The following METTL4 variants were observed in gnomAD, a reference collection of about 807,000 sequenced individuals.
METTL4 encodes the protein methyltransferase 4, N6-adenosine, also known as N(6)-adenine-specific methyltransferase METTL4.
In METTL4, 40 loss-of-function variants were observed where a neutral mutation model predicts 54.0. The ratio of observed to expected loss-of-function variants is 0.74; its 90% CI spans 0.58 to 0.96. The LOEUF (loss-of-function observed/expected upper bound fraction) is 0.96, where lower values mean the gene tolerates loss of function less well. Among genes scored for constraint, METTL4 ranks in the 50% least tolerant of loss-of-function variants. The pLI is 0.00. For synonymous variants in METTL4, 169 were observed against 183.8 expected (o/e 0.92, Z 0.65); for missense variants, 525 against 549.0 (o/e 0.96, Z 0.44).
At chr18:2,556,726 G>C (rs1005890428) in intron 3 of METTL4, among the ~76,000 whole-genome samples, 1 of 151,978 alleles carries the variant, frequency 6.6e-6, no homozygotes, top group East Asian at 1.9e-4. Flanking sequence ...AAGTGACATA[G>C]AGACATAAAA....
chr18:2,565,161 C>G (rs2072385587), intron 2 of METTL4, among the ~76,000 whole-genome samples: 1 of 152,042 alleles, frequency 6.6e-6, no homozygotes, highest in African/African-American at 2.4e-5. Flanking sequence ...CACACATAAT[C>G]CCAGCTACTC....
chr18:2,547,484 A>C lies in METTL4; in HGVS notation c.945T>G (p.Pro315=). Residue 315 remains proline, a synonymous_variant, in exon 6 of 9, where the codon CCT becomes CCG. Coordinates refer to ENST00000574538, the MANE Select transcript of METTL4 (RefSeq NM_022840.5). ...SPLQIQQIPI[P]KLAAPNCLLV... The stretch of plus-strand genomic sequence containing the variant: ...GAAGACAGTTTGGAGCAGCCAATTT[A>C]GGGATAGGTATTTGCTGTATTTGCA... 6.2e-7 allele frequency: 1 copy of C among 1,610,364 alleles called. No individual in the cohort carries two copies. The highest frequency in any genetic ancestry group is 1.1e-5 in the South Asian group (1 of 90,508).
Position 2,538,960 on chromosome 18 carries a change from G to A in METTL4, c.*40C>T, listed in dbSNP as rs1158574795. 6.3e-7 allele frequency: 1 copy of A among 1,587,170 alleles called. No individual in the cohort carries two copies. Among genetic ancestry groups the A allele is most frequent in the East Asian group, 2.2e-5 (1 of 44,628 alleles). On this transcript the variant is annotated 3_prime_UTR_variant, in exon 9 of 9. Coordinates refer to ENST00000574538, the MANE Select transcript of METTL4 (RefSeq NM_022840.5). Reference sequence around the variant, plus strand: ...CTTAGAATTAAGGGAAAAGTGGTGAGGAAACAATGAAGAAACCACTACTTT... The same window carrying A: ...CTTAGAATTAAGGGAAAAGTGGTGAAGAAACAATGAAGAAACCACTACTTT...
chr18:2,542,310 C>T (rs2072003624), intron 8 of METTL4, among the ~76,000 whole-genome samples: 1 of 151,428 alleles, frequency 6.6e-6, no homozygotes, highest in South Asian at 2.1e-4. Flanking sequence ...CACCCACTAA[C>T]TCGTCGTCTA....
intron 6 of METTL4, among the ~76,000 whole-genome samples, chr18:2,546,425 G>A (rs1179225253): frequency 6.6e-6 from 1 of 151,738 alleles, no homozygotes; most frequent in East Asian, 1.9e-4. Context: ...TTATATATGG[G>A]GTTCAGTACC....
intron 5 of METTL4, among the ~76,000 whole-genome samples, chr18:2,549,069 G>A (rs951353765): frequency 6.6e-6 from 1 of 152,122 alleles, no homozygotes; most frequent in Non-Finnish European, 1.5e-5. Context: ...CTCTTAGCAG[G>A]TAAAGTTAAC....
chr18:2,538,898 T>G lies in METTL4; in HGVS notation c.*102A>C. On this transcript the variant is annotated 3_prime_UTR_variant, in exon 9 of 9. Coordinates refer to ENST00000574538, the MANE Select transcript of METTL4 (RefSeq NM_022840.5). ...TGAAAAAAACAAGTCCTGTTTATAT[T>G]CTAAGAATATGGGTTGGTAACAAAA... 7.6e-7 allele frequency: 1 copy of G among 1,314,694 alleles called. No individual in the cohort carries two copies. Among genetic ancestry groups the G allele is most frequent in the Non-Finnish European group, 1.0e-6 (1 of 953,510 alleles). 81.4% of individuals were successfully genotyped at this position (1,314,694 alleles called of 1,614,324 possible). A position where few individuals can be genotyped will look rare whatever the true frequency, so the allele number is the denominator to read the frequency against.
intron 3 of METTL4, among the ~76,000 whole-genome samples, chr18:2,556,743 C>A (rs546473735): frequency 5.9e-5 from 9 of 151,608 alleles, no homozygotes; most frequent in Non-Finnish European, 1.0e-4. Context: ...AAAAAAAGGA[C>A]CAAATGTGTC....
intron 5 of METTL4, 76 bp downstream of exon 5, chr18:2,552,619 G>A: frequency 1.1e-6 from 1 of 908,688 alleles, no homozygotes; most frequent in Non-Finnish European, 1.7e-6. Context: ...ATAAAGTAAT[G>A]TCAATAGTAT....
intron 8 of METTL4, 105 bp downstream of exon 8, chr18:2,544,090 T>G (rs1277569502): frequency 1.3e-6 from 1 of 752,504 alleles, no homozygotes; most frequent in African/African-American, 1.8e-5. Context: ...ATTAACAACC[T>G]ACGTCTGACT....
In METTL4 at chr18:2,554,749, A is replaced by G. The variant is rs1376721298; in HGVS notation, c.749T>C (p.Leu250Ser). Residue 250 changes from leucine (L) to serine (S), a missense_variant, in exon 4 of 9, where the codon TTA becomes TCA. By Grantham distance (145) the Leu-to-Ser change is moderately radical (BLOSUM62 -2). Transcript: ENST00000574538. ...TGGTAGCAGGTATTTCTGTCCCATT[A>G]AAGTAATCACTTTTGTAAAGCTAGA... Reference protein sequence around the residue: ...NNSSFTKVITLMGQKYLLPPK... With the variant: ...NNSSFTKVITSMGQKYLLPPK... 6.2e-7 allele frequency: 1 copy of G among 1,613,348 alleles called. No individual in the cohort carries two copies. Among genetic ancestry groups the G allele is most frequent in the Non-Finnish European group, 8.5e-7 (1 of 1,179,686 alleles).
chr18:2,552,074 T>G (rs2072169882), intron 5 of METTL4, among the ~76,000 whole-genome samples: 1 of 152,186 alleles, frequency 6.6e-6, no homozygotes, highest in East Asian at 1.9e-4. Context: ...GCGCCTGTAC[T>G]CCCAGCTACT....
At chr18:2,558,525 T>C (rs12608184) in intron 3 of METTL4, among the ~76,000 whole-genome samples, 2,885 of 151,948 alleles carry the variant, frequency 0.019, 93 homozygotes, top group East Asian at 0.13. Flanking sequence ...GAAAAAAAGA[T>C]GTAAGTTAAC....
chr18:2,552,702 T>C lies in METTL4; in HGVS notation c.892A>G (p.Ser298Gly), dbSNP rs766070479. 62 of 1,609,484 alleles carry C rather than the reference T, an allele frequency of 3.9e-5. No homozygotes were observed. In the South Asian group the frequency reaches 6.8e-4, roughly 18 times the overall value. The change falls in exon 5 of 9, where the codon AGT becomes GGT. Residue 298 changes from serine to glycine, a missense_variant. Transcript: ENST00000574538. ...PPWQNKSVKR[S>G]NRYSYLSPLQ... ...GCTTTCATTTCCACTTACCTATTAC[T>C]TCTTTTAACTGATTTGTTCTGCCAT...
Position 2,547,513 on chromosome 18 carries a change from G to A in METTL4, c.916C>T (p.Pro306Ser), listed in dbSNP as rs754816625. Residue 306 changes from proline (P) to serine (S), a missense_variant, in exon 6 of 9, where the codon CCC (proline) becomes TCC (serine). By Grantham distance (74) the Pro-to-Ser change is moderately conservative. Coordinates refer to ENST00000574538, the MANE Select transcript of METTL4 (RefSeq NM_022840.5). ...ATAGGTATTTGCTGTATTTGCAGGG[G>A]TGACAAATAACTGTACCTAAAAATA... ...KRSNRYSYLS[P>S]LQIQQIPIPK... 30 of 1,583,196 alleles carry A rather than the reference G, an allele frequency of 1.9e-5. No individual in the cohort carries two copies. In the South Asian group the frequency reaches 3.4e-4, roughly 18 times the overall value.
intron 8 of METTL4, among the ~76,000 whole-genome samples, chr18:2,539,349 A>G (rs1010633435): frequency 2.6e-5 from 4 of 152,168 alleles, no homozygotes; most frequent in African/African-American, 9.7e-5. Flanking sequence ...GAACAATATC[A>G]TCTGAACTTC....
In METTL4 at chr18:2,541,195, G is replaced by A. The variant is rs114963738; in HGVS notation, c.1274-2050C>T. 1.9e-3 allele frequency among the ~76,000 whole-genome samples: 291 copies of A among 152,108 alleles called. 2 individuals carry two copies. Among genetic ancestry groups the A allele is most frequent in the African/African-American group, 6.8e-3 (282 of 41,486 alleles). ...TCAAAATAAGGGAGAAGAAATAAAGGCAAATTAATAAAAATGGATTATTCT... is the reference window on the plus strand; with the variant it reads ...TCAAAATAAGGGAGAAGAAATAAAGACAAATTAATAAAAATGGATTATTCT... On this transcript the variant is annotated intron_variant, in intron 8 of 8. Coordinates refer to ENST00000574538, the MANE Select transcript of METTL4 (RefSeq NM_022840.5).
In METTL4 at chr18:2,554,781, T is replaced by A; in HGVS notation, c.717A>T (p.Glu239Asp). The A allele has an allele frequency of 6.2e-7, 1 of 1,613,792 alleles. No individual in the cohort carries two copies. Among genetic ancestry groups the A allele is most frequent in the East Asian group, 2.2e-5 (1 of 44,850 alleles). Residue 239 changes from glutamate to aspartate, a missense_variant, in exon 4 of 9, where the codon GAA (glutamate) becomes GAT (aspartate). By Grantham distance (45) the Glu-to-Asp change is conservative. Coordinates refer to ENST00000574538, the MANE Select transcript of METTL4 (RefSeq NM_022840.5). ...TCACTTTTGTAAAGCTAGAGTTGTT[T>A]TCAACAACTCGCAAAAATAAATCCT... ...TEQDLFLRVV[E>D]NNSSFTKVIT... is the part of the protein sequence containing the mutation.
intron 5 of METTL4, among the ~76,000 whole-genome samples, chr18:2,548,650 C>G (rs998406869): frequency 6.6e-6 from 1 of 152,214 alleles, no homozygotes; most frequent in African/African-American, 2.4e-5. Context: ...CCTGTCATCA[C>G]TCACACTTGC....
Sources: gnomAD v4.1 joint callset for allele counts (sites outside exome capture counted in the v4.1 genomes callset) on GRCh38, gnomAD v4.1.1 for gene constraint, MANE v1.5 for transcripts, NCBI Gene and HGNC (gene_info 2026-07-23, HGNC 2026-07-21) for gene names.